The following KLRF2 variants were observed in gnomAD, a reference collection of about 807,000 sequenced individuals.
KLRF2 encodes the protein killer cell lectin like receptor F2.
A neutral mutation model predicts 25.3 loss-of-function variants in KLRF2; 28 were observed. The ratio of observed to expected loss-of-function variants is 1.11; its 90% CI spans 0.82 to 1.52. The LOEUF is 1.52. Ranked by LOEUF, KLRF2 falls within the 40% of genes most tolerant of loss-of-function variation. The pLI is 0.00. For missense variants in KLRF2, 265 were observed against 245.8 expected, an observed-to-expected ratio of 1.08 and a Z score of -0.52; for synonymous variants, 73 against 85.0, an observed-to-expected ratio of 0.86 and a Z score of 0.78.
At chr12:9,892,614 C>T (rs370385196) in intron 3 of KLRF2, among the ~76,000 whole-genome samples, 6 of 103,490 alleles carry the variant, frequency 5.8e-5, no homozygotes, top group East Asian at 2.7e-4. Context: ...GACAGAGTTT[C>T]GCTCTTGTTG....
chr12:9,884,936 T>G lies in KLRF2; in HGVS notation c.73T>G (p.Phe25Val). 8.8e-7 allele frequency: 1 copy of G among 1,132,152 alleles called. No individual in the cohort carries two copies. The highest frequency in any genetic ancestry group is 1.2e-6 in the Non-Finnish European group (1 of 855,660). 70.1% of individuals were successfully genotyped at this position (1,132,152 alleles called of 1,614,324 possible). A position where few individuals can be genotyped will look rare whatever the true frequency, so the allele number is the denominator to read the frequency against. ...AATTCTAAAATTCAACATTTCAGATTTCTCCCTATATCCACAATATTATTG... is the reference window on the plus strand; with the variant it reads ...AATTCTAAAATTCAACATTTCAGATGTCTCCCTATATCCACAATATTATTG... ...RCKSKQKSKD[F>V]SLYPQYYCLL... The change falls in exon 2 of 6, where the codon TTC becomes GTC. Residue 25 changes from phenylalanine to valine, a missense_variant and splice_region_variant. Physicochemically the swap from Phe to Val is conservative, Grantham distance 50. Transcript: ENST00000535540.
At chr12:9,887,024 T>C (rs1228303352) in intron 2 of KLRF2, among the ~76,000 whole-genome samples, 4 of 151,602 alleles carry the variant, frequency 2.6e-5, no homozygotes, top group Admixed American at 6.6e-5. Context: ...AAAAAAAACA[T>C]AAATAAATAT....
rs995915472 is a variant in KLRF2, at chr12:9,893,112, C to T, written c.310C>T (p.Arg104Cys). Residue 104 changes from arginine (R) to cysteine (C), a missense_variant, in exon 4 of 6, where the codon CGT (arginine) becomes TGT (cysteine). Transcript: ENST00000535540. ...TTTTAAAACGTGGAAAGAGAGTCAA[C>T]GTGATTGTACACAGCTACAGGCACA... is the stretch of plus-strand genomic sequence containing the variant. ...TSFKTWKESQ[R>C]DCTQLQAHLL... is the part of the protein sequence containing the mutation. 19 of 1,535,478 alleles carry T rather than the reference C, an allele frequency of 1.2e-5. No individual in the cohort carries two copies. The highest frequency in any genetic ancestry group is 2.0e-5 in the Admixed American group (1 of 50,980).
At position 9,887,367 on chromosome 12, in the gene KLRF2, T is replaced by C. The variant is rs185838823; in HGVS notation, c.170-1366T>C. 2.6e-5 allele frequency among the ~76,000 whole-genome samples: 4 copies of C among 152,296 alleles called. No homozygotes were observed. In the East Asian group the frequency reaches 7.7e-4, roughly 29 times the overall value. The stretch of plus-strand genomic sequence containing the variant: ...AATCCTAAAGGGTTTACATAAATAA[T>C]TAGTTTTCCCCCAAAGCAAATTAGC... On this transcript the variant is annotated intron_variant, in intron 2 of 5. Transcript: ENST00000535540.
intron 3 of KLRF2, among the ~76,000 whole-genome samples, chr12:9,889,672 A>G (rs1303080835): frequency 6.6e-6 from 1 of 151,388 alleles, no homozygotes; most frequent in African/African-American, 2.4e-5. Flanking sequence ...ATATATATGT[A>G]TATATATACA....
intron 5 of KLRF2, among the ~76,000 whole-genome samples, chr12:9,893,790 G>A (rs1862718346): frequency 6.6e-6 from 1 of 151,572 alleles, no homozygotes; most frequent in East Asian, 1.9e-4. Context: ...TTGTCACCTG[G>A]CAGTTTAATT....
intron 5 of KLRF2, among the ~76,000 whole-genome samples, chr12:9,895,437 T>A (rs1187774974): frequency 1.3e-5 from 2 of 152,164 alleles, no homozygotes; most frequent in Admixed American, 1.3e-4. Flanking sequence ...CTTGCAGGCG[T>A]AGATAATGAG....
In KLRF2 at chr12:9,890,358, G is replaced by A. The variant is rs1591778381; in HGVS notation, c.217+1578G>A. ...CTCTGCTCAGGGTCTCACAGGCAATGCAGTGTAGATGTTGGCCAGACCACC... is the reference window on the plus strand; with the variant it reads ...CTCTGCTCAGGGTCTCACAGGCAATACAGTGTAGATGTTGGCCAGACCACC... On this transcript the variant is annotated intron_variant, in intron 3 of 5. Coordinates refer to ENST00000535540, the MANE Select transcript of KLRF2 (RefSeq NM_001190765.1). 2.0e-5 allele frequency among the ~76,000 whole-genome samples: 3 copies of A among 152,340 alleles called. No homozygotes were observed. The East Asian group carries it at 5.8e-4, about 29-fold the overall frequency.
chr12:9,894,202 A>G (rs1449859212), intron 5 of KLRF2, among the ~76,000 whole-genome samples: 1 of 113,526 alleles, frequency 8.8e-6, no homozygotes, highest in Non-Finnish European at 1.7e-5. Context: ...TTTTTTTTTC[A>G]GCAGAGCCTT....
chr12:9,892,888 C>G (rs1862697139), intron 3 of KLRF2, 132 bp from the exon 4 acceptor site: 3 of 721,124 alleles, frequency 4.2e-6, no homozygotes, highest in Non-Finnish European at 6.4e-6. Context: ...CTGGTCTGAA[C>G]TCCTTTTTAT....
intron 2 of KLRF2, among the ~76,000 whole-genome samples, chr12:9,885,666 TTG>T (rs1181967969): frequency 6.6e-6 from 1 of 151,988 alleles, no homozygotes; most frequent in Non-Finnish European, 1.5e-5. Context: ...TTGGGCAATT[TTG>T]TGTTTTTCCC....
intron 2 of KLRF2, among the ~76,000 whole-genome samples, chr12:9,888,106 A>AT (rs1330397324): frequency 1.3e-5 from 2 of 151,358 alleles, no homozygotes; most frequent in Non-Finnish European, 2.9e-5. Context: ...GAAAAAAAAA[A>AT]AGAAAACAGA....
At chr12:9,885,388 G>A (rs1490088183) in intron 2 of KLRF2, among the ~76,000 whole-genome samples, 1 of 151,662 alleles carries the variant, frequency 6.6e-6, no homozygotes. Context: ...TAGACTTCCA[G>A]ACTTTTTTCT....
At chr12:9,890,860 T>C (rs975337618) in intron 3 of KLRF2, among the ~76,000 whole-genome samples, 4 of 152,238 alleles carry the variant, frequency 2.6e-5, no homozygotes, top group African/African-American at 9.6e-5. Context: ...GGGGTCATTT[T>C]GGAATTCTGT....
rs573346233 is a variant in KLRF2 at position 9,887,293 on chromosome 12, A to AAGAT, written c.170-1422_170-1419dup. Among the ~76,000 whole-genome samples the AAGAT allele has an allele frequency of 2.3e-3, 350 of 152,254 alleles. 2 individuals are homozygous for AAGAT. Among genetic ancestry groups the AAGAT allele is most frequent in the Non-Finnish European group, 3.1e-3 (211 of 68,006 alleles). ...AAAGAGATGATAGATTAGATAGATA[A>AAGAT]AGATAGATAGATAGATAGATAATTT... On this transcript the variant is annotated intron_variant, in intron 2 of 5. Coordinates refer to ENST00000535540, the MANE Select transcript of KLRF2 (RefSeq NM_001190765.1).
rs367724579 is a variant in KLRF2, at chr12:9,884,997, T to C, written c.134T>C (p.Ile45Thr). 1 of 1,330,216 alleles carries C rather than the reference T, an allele frequency of 7.5e-7. No homozygotes were observed. The highest frequency in any genetic ancestry group is 9.7e-7 in the Non-Finnish European group (1 of 1,033,858). 82.4% of individuals were successfully genotyped at this position (1,330,216 alleles called of 1,614,324 possible). A position where few individuals can be genotyped will look rare whatever the true frequency, so the allele number is the denominator to read the frequency against. The change falls in exon 2 of 6, where the codon ATA (isoleucine) becomes ACA (threonine). Residue 45 changes from isoleucine to threonine, a missense_variant. Transcript: ENST00000535540. ...LLIFGCIVIL[I>T]FIMTGIDLKF... is the part of the protein sequence containing the mutation. ...ATATTTGGATGCATTGTGATCCTTA[T>C]ATTCATTATGACAGGGATTGACCTG... is the stretch of plus-strand genomic sequence containing the variant.
Position 9,895,794 on chromosome 12 carries a change from A to G in KLRF2, c.585A>G (p.Arg195=). The G allele has an allele frequency of 6.5e-7, 1 of 1,535,560 alleles. No individual in the cohort carries two copies. The highest frequency in any genetic ancestry group is 8.7e-7 in the Non-Finnish European group (1 of 1,146,692). Residue 195 remains arginine (R), a synonymous_variant, in exon 6 of 6, where the codon AGA becomes AGG. Transcript: ENST00000535540. ...CSSTFKGICQ[R]DAILTHNGTS... is the part of the protein sequence containing the mutation. ...CCACATTTAAGGGCATTTGCCAGAG[A>G]GATGCGATCTTGACGCACAATGGAA...
At chr12:9,888,622 C>G (rs959973386) in intron 2 of KLRF2, 111 bp from the exon 3 acceptor site, 6 of 601,008 alleles carry the variant, frequency 1.0e-5, no homozygotes, top group African/African-American at 7.3e-5. Flanking sequence ...AAGAGAAACT[C>G]ACAATTTTTA....
intron 2 of KLRF2, 150 bp downstream of exon 2, chr12:9,885,182 C>G (rs925392313): frequency 3.1e-6 from 1 of 326,098 alleles, no homozygotes; most frequent in East Asian, 4.7e-5. Context: ...AAATTAAATG[C>G]TCAAATGCAA....
Sources: gnomAD v4.1 joint callset for allele counts (sites outside exome capture counted in the v4.1 genomes callset) on GRCh38, gnomAD v4.1.1 for gene constraint, MANE v1.5 for transcripts, NCBI Gene and HGNC (gene_info 2026-07-23, HGNC 2026-07-21) for gene names.